Variants in WEE1 observed in about 807,000 individuals in gnomAD.
WEE1 encodes wee1-like protein kinase.
Under a neutral mutation model 68.8 loss-of-function variants are expected in WEE1, and 16 were observed. The observed-to-expected ratio is 0.23, with a 90% CI of 0.16 to 0.35. The LOEUF is 0.35. Ranked by LOEUF, WEE1 falls within the 10% of genes least tolerant of loss-of-function variation. The pLI is 1.00. For missense variants in WEE1, 651 were observed against 824.1 expected (o/e 0.79, Z 2.57); for synonymous variants, 349 against 318.7 (o/e 1.09, Z -1.01).
In WEE1 at chr11:9,573,888, C is replaced by T. The variant is rs923811282; in HGVS notation, c.-46C>T. On this transcript the variant is annotated 5_prime_UTR_variant, in exon 1 of 11. Coordinates refer to ENST00000450114, the MANE Select transcript of WEE1 (RefSeq NM_003390.4). ...CCCAGGCCCGCAGTGTCCTGGACCC[C>T]GCAGGCCTCCGCTCTCCTGTCCTCG... The T allele has an allele frequency of 2.5e-6, 3 of 1,214,276 alleles. No individual in the cohort carries two copies. Among genetic ancestry groups the T allele is most frequent in the Admixed American group, 4.4e-5 (1 of 22,960 alleles). The allele number at this position is 1,214,276 out of a possible 1,614,324, so 75.2% of individuals were successfully genotyped here.
At chr11:9,577,418 A>G (rs878995501) in intron 5 of WEE1, 155 bp downstream of exon 5, 1 of 938,398 alleles carries the variant, frequency 1.1e-6, no homozygotes, top group Admixed American at 2.7e-5. Flanking sequence ...AAGGTTAAAA[A>G]CCTTGTCCTT....
At chr11:9,578,800 A>G (rs1589977655) in intron 5 of WEE1, 1 of 152,312 alleles carries the variant, frequency 6.6e-6, no homozygotes, top group East Asian at 1.9e-4. Context: ...GAACTGAGTG[A>G]GTAGTCTTGC....
intron 6 of WEE1, among the ~76,000 whole-genome samples, 194 bp downstream of exon 6, chr11:9,581,872 A>G (rs10840264): frequency 0.043 from 6,482 of 152,342 alleles, 169 homozygotes; most frequent in East Asian, 0.09. Context: ...AATTTGAGAT[A>G]AACTTTTTTG....
In WEE1 at chr11:9,576,393, G is replaced by C. The variant is rs1237430653; in HGVS notation, c.847-94G>C. On this transcript the variant is annotated intron_variant, in intron 3 of 10. Coordinates refer to ENST00000450114, the MANE Select transcript of WEE1 (RefSeq NM_003390.4). The surrounding 1 kb of genome is among the most constrained non-coding windows in gnomAD (Gnocchi z 4.3). ...AAGCATTAACACATAAGGTAGAATG[G>C]TTTTTAAATTTCACACATAGCCCTA... 3.2e-6 allele frequency: 5 copies of C among 1,552,910 alleles called. No homozygotes were observed.
In WEE1 at chr11:9,588,544, G is replaced by A. The variant is rs918130908; in HGVS notation, c.1883G>A (p.Arg628Lys). 6 of 1,611,664 alleles carry A rather than the reference G, an allele frequency of 3.7e-6. No homozygotes were observed. Among genetic ancestry groups the A allele is most frequent in the Non-Finnish European group, 4.2e-6 (5 of 1,179,460 alleles). The change falls in exon 11 of 11, where the codon AGA (arginine) becomes AAA (lysine). Residue 628 changes from arginine (R) to lysine (K), a missense_variant. By Grantham distance (26) the Arg-to-Lys change is conservative. Coordinates refer to ENST00000450114, the MANE Select transcript of WEE1 (RefSeq NM_003390.4). Reference protein sequence around the residue: ...MATRSTTQSNRTSRLIGKKMN... With the variant: ...MATRSTTQSNKTSRLIGKKMN... The stretch of plus-strand genomic sequence containing the variant: ...ACTAGGTCCACCACCCAGAGTAATA[G>A]AACATCTCGACTTATTGGAAAGAAA...
rs892209142 is a variant in WEE1, at chr11:9,574,406, G to A, written c.473G>A (p.Arg158Gln). ...DASPRGCGARRAGEGRRSPRP... is the reference protein window; with the variant it reads ...DASPRGCGARQAGEGRRSPRP... ...TCGCCGCGGGGTTGCGGGGCGCGCC[G>A]GGCGGGCGAAGGCCGCCGCTCGCCG... is the stretch of plus-strand genomic sequence containing the variant. The change falls in exon 1 of 11, where the codon CGG becomes CAG. Residue 158 changes from arginine (R) to glutamine (Q), a missense_variant. By Grantham distance (43) the Arg-to-Gln change is conservative (BLOSUM62 1). Around this residue, in one of 5 missense-constraint regions of WEE1, gnomAD observed 395 missense variants for 378.4 expected, o/e 1.04. Transcript: ENST00000450114. The surrounding 1 kb of genome is among the most constrained non-coding windows in gnomAD (Gnocchi z 4.9). 42 of 1,211,096 alleles carry A rather than the reference G, an allele frequency of 3.5e-5. No homozygotes were observed. The highest frequency in any genetic ancestry group is 4.3e-5 in the Non-Finnish European group (42 of 979,312). 75.0% of individuals were successfully genotyped at this position (1,211,096 alleles called of 1,614,324 possible).
intron 10 of WEE1, 90 bp downstream of exon 10, chr11:9,586,946 A>G: frequency 7.1e-7 from 1 of 1,408,178 alleles, no homozygotes; most frequent in Non-Finnish European, 9.5e-7. Flanking sequence ...TTCTGTCAAC[A>G]AAGGATGTAG....
intron 5 of WEE1, chr11:9,580,229 AGAGTG>A (rs1849609783): frequency 1.2e-5 from 1 of 80,714 alleles, no homozygotes; most frequent in South Asian, 3.6e-4. Context: ...TCTGTGGAGA[AGAGTG>A]TGTGTGTGTG....
chr11:9,589,006 C>A lies in WEE1; in HGVS notation c.*404C>A, dbSNP rs1455364417. Reference sequence around the variant, plus strand: ...GCTAAAAGACTCATTACTACTCAGCCTTCAATGTACCTGTGTGTCCATCTT... The same window carrying A: ...GCTAAAAGACTCATTACTACTCAGCATTCAATGTACCTGTGTGTCCATCTT... On this transcript the variant is annotated 3_prime_UTR_variant, in exon 11 of 11. Transcript: ENST00000450114. 3 of 986,078 alleles carry A rather than the reference C, an allele frequency of 3.0e-6. No homozygotes were observed. Among genetic ancestry groups the A allele is most frequent in the Non-Finnish European group, 3.6e-6 (3 of 830,242 alleles). 61.1% of individuals were successfully genotyped at this position (986,078 alleles called of 1,614,324 possible).
rs746763681 is a variant in WEE1 at position 9,586,843 on chromosome 11, T to A, written c.1774T>A (p.Ser592Thr). 6.2e-7 allele frequency: 1 copy of A among 1,604,494 alleles called. No homozygotes were observed. Among genetic ancestry groups the A allele is most frequent in the East Asian group, 2.2e-5 (1 of 44,840 alleles). The change falls in exon 10 of 11, where the codon TCA becomes ACA. Residue 592 changes from serine to threonine, a missense_variant. Coordinates refer to ENST00000450114, the MANE Select transcript of WEE1 (RefSeq NM_003390.4). ...ATTGAATGCCGAAAAGTTCAAAAAT[T>A]CACTTTTACAAAAGTAAGTGAGGGT... ...IELNAEKFKN[S>T]LLQKELKKAQ...
intron 5 of WEE1, chr11:9,578,971 A>G (rs754256792): frequency 7.9e-5 from 12 of 151,248 alleles, no homozygotes; most frequent in African/African-American, 2.2e-4. Context: ...CAGTGGCGCA[A>G]TCTCTGCTCA....
chr11:9,589,760 T>G lies in WEE1; in HGVS notation c.*1158T>G. ...AAAGTCACTCTGAGCTTACCTTAATTGTCTAAATCCTTGTGATGCCTGTTT... is the reference window on the plus strand; with the variant it reads ...AAAGTCACTCTGAGCTTACCTTAATGGTCTAAATCCTTGTGATGCCTGTTT... On this transcript the variant is annotated 3_prime_UTR_variant, in exon 11 of 11. Transcript: ENST00000450114. 1.0e-6 allele frequency: 1 copy of G among 964,374 alleles called. No homozygotes were observed. Among genetic ancestry groups the G allele is most frequent in the Non-Finnish European group, 1.2e-6 (1 of 810,422 alleles). 59.7% of individuals were successfully genotyped at this position (964,374 alleles called of 1,614,324 possible).
Position 9,588,787 on chromosome 11 carries a change from T to C in WEE1, c.*185T>C. ...ATTGCTATGTCAGGCTTTCATCTAATCTTACCAGTCTGTCTTCTGTAGGAT... is the reference window on the plus strand; with the variant it reads ...ATTGCTATGTCAGGCTTTCATCTAACCTTACCAGTCTGTCTTCTGTAGGAT... On this transcript the variant is annotated 3_prime_UTR_variant, in exon 11 of 11. Transcript: ENST00000450114. The C allele has an allele frequency of 8.1e-7, 1 of 1,227,016 alleles. No individual in the cohort carries two copies. Among genetic ancestry groups the C allele is most frequent in the Non-Finnish European group, 1.0e-6 (1 of 978,474 alleles). The allele number at this position is 1,227,016 out of a possible 1,614,324, so 76.0% of individuals were successfully genotyped here.
At position 9,574,162 on chromosome 11, in the gene WEE1, C is replaced by A; in HGVS notation, c.229C>A (p.Arg77Ser). The A allele has an allele frequency of 2.5e-6, 3 of 1,187,114 alleles. No individual in the cohort carries two copies. The highest frequency in any genetic ancestry group is 3.1e-6 in the Non-Finnish European group (3 of 960,046). The allele number at this position is 1,187,114 out of a possible 1,614,324, so 73.5% of individuals were successfully genotyped here. A position where few individuals can be genotyped will look rare whatever the true frequency, so the allele number is the denominator to read the frequency against. ...CACGGAGCCCGGGCCCGAGCGCCGC[C>A]GCTCGCCCGGGCCGGCCCCCGGCAG... is the stretch of plus-strand genomic sequence containing the variant. ...SPTEPGPERR[R>S]SPGPAPGSPG... The change falls in exon 1 of 11, where the codon CGC (arginine) becomes AGC (serine). Residue 77 changes from arginine to serine, a missense_variant. Arg to Ser is a moderately radical substitution (Grantham distance 110). This residue lies in a region of WEE1 where 395 missense variants were observed against 378.4 expected (regional missense o/e 1.04). Coordinates refer to ENST00000450114, the MANE Select transcript of WEE1 (RefSeq NM_003390.4). This position sits in a 1 kb window ranked among gnomAD's most constrained non-coding sequence, Gnocchi z 4.9.
chr11:9,587,819 A>T (rs1186695020), intron 10 of WEE1, among the ~76,000 whole-genome samples: 1 of 152,116 alleles, frequency 6.6e-6, no homozygotes, highest in Non-Finnish European at 1.5e-5. Context: ...TTAATATTTA[A>T]ATTATAAGAA....
At position 9,576,108 on chromosome 11, in the gene WEE1, T is replaced by G; in HGVS notation, c.782+15T>G. On this transcript the variant is annotated intron_variant, in intron 2 of 10. Transcript: ENST00000450114. The surrounding 1 kb of genome is among the most constrained non-coding windows in gnomAD (Gnocchi z 4.3). Reference sequence around the variant, plus strand: ...TATTGGAATGAGTAAGTCGTTTATTTAACAGTTTGGTTCTCCAAATAACCT... The same window carrying G: ...TATTGGAATGAGTAAGTCGTTTATTGAACAGTTTGGTTCTCCAAATAACCT... The G allele has an allele frequency of 1.2e-6, 2 of 1,613,534 alleles. No homozygotes were observed. Among genetic ancestry groups the G allele is most frequent in the Non-Finnish European group, 1.7e-6 (2 of 1,179,534 alleles).
At chr11:9,575,791 C>T in intron 1 of WEE1, 97 bp from the exon 2 acceptor site, 2 of 991,470 alleles carry the variant, frequency 2.0e-6, no homozygotes, top group Non-Finnish European at 3.0e-6. Flanking sequence ...TTCACCTACG[C>T]ATTCAGCCCT....
Position 9,576,152 on chromosome 11 carries a change from T to G in WEE1, c.782+59T>G. The G allele has an allele frequency of 6.2e-7, 1 of 1,606,786 alleles. No individual in the cohort carries two copies. The highest frequency in any genetic ancestry group is 8.5e-7 in the Non-Finnish European group (1 of 1,175,356). On this transcript the variant is annotated intron_variant, in intron 2 of 10. Transcript: ENST00000450114. This position sits in a 1 kb window ranked among gnomAD's most constrained non-coding sequence, Gnocchi z 4.3. ...ATAACCTAAGATTGGTTTGGTATAC[T>G]TATCAAAATTTAGTTCCTATTTAAT... is the stretch of plus-strand genomic sequence containing the variant.
At chr11:9,583,814 T>C (rs1384750211) in intron 6 of WEE1, among the ~76,000 whole-genome samples, 72 of 21,566 alleles carry the variant, frequency 3.3e-3, no homozygotes, top group Non-Finnish European at 5.1e-3. Flanking sequence ...TATATATATA[T>C]ATATATATAT....
Sources: gnomAD v4.1 joint callset for allele counts (sites outside exome capture counted in the v4.1 genomes callset) on GRCh38, gnomAD v4.1.1 for gene constraint, gnomAD v4.1.1 regional missense constraint, Gnocchi (gnomAD v3.1) non-coding constraint, MANE v1.5 for transcripts, NCBI Gene and HGNC (gene_info 2026-07-23, HGNC 2026-07-21) for gene names.